Variants in MYRIP observed in about 807,000 individuals in gnomAD.
The protein encoded by MYRIP is rab effector MyRIP.
A neutral mutation model predicts 98.0 loss-of-function variants in MYRIP; 49 were observed. The ratio of observed to expected loss-of-function variants is 0.50; its 90% CI spans 0.40 to 0.63. The LOEUF (loss-of-function observed/expected upper bound fraction) is 0.63. Among genes scored for constraint, MYRIP ranks in the 30% least tolerant of loss-of-function variants. The pLI is 0.00. For synonymous variants in MYRIP, 404 were observed against 409.5 expected (o/e 0.99, Z 0.16); for missense variants, 1,004 against 1,058.2 (o/e 0.95, Z 0.71).
At chr3:39,941,118 T>C (rs1024527799) in intron 2 of MYRIP, among the ~76,000 whole-genome samples, 1 of 151,948 alleles carries the variant, frequency 6.6e-6, no homozygotes, top group African/African-American at 2.4e-5. Flanking sequence ...GGGGAGACAA[T>C]TGAAGGTAAA....
At chr3:40,200,380 T>C (rs1367195527) in intron 10 of MYRIP, among the ~76,000 whole-genome samples, 1 of 152,138 alleles carries the variant, frequency 6.6e-6, no homozygotes, top group Non-Finnish European at 1.5e-5. Context: ...ATAAGCTTGC[T>C]CTAGGTCTTC....
chr3:40,251,318 C>G (rs966383842), intron 15 of MYRIP, among the ~76,000 whole-genome samples: 1 of 152,202 alleles, frequency 6.6e-6, no homozygotes, highest in Non-Finnish European at 1.5e-5. Context: ...ATCACAGATT[C>G]ACAGTCCTTT....
intron 2 of MYRIP, among the ~76,000 whole-genome samples, chr3:39,916,900 G>C (rs1944177161): frequency 6.6e-6 from 1 of 151,932 alleles, no homozygotes; most frequent in Admixed American, 6.6e-5. Flanking sequence ...TATGACTTTA[G>C]ACATACAACA....
intron 4 of MYRIP, among the ~76,000 whole-genome samples, chr3:40,154,502 G>A (rs1395373945): frequency 2.6e-5 from 4 of 152,132 alleles, no homozygotes; most frequent in Admixed American, 6.5e-5. Flanking sequence ...CAAAGGTAAC[G>A]AGTGCTCACA....
chr3:39,857,983 G>T (rs1559498697), intron 1 of MYRIP, among the ~76,000 whole-genome samples: 1 of 152,004 alleles, frequency 6.6e-6, no homozygotes, highest in Non-Finnish European at 1.5e-5. Flanking sequence ...GAGAAACAAA[G>T]GAACTACAAA....
intron 3 of MYRIP, among the ~76,000 whole-genome samples, chr3:40,115,524 A>T (rs1287348034): frequency 6.6e-6 from 1 of 152,170 alleles, no homozygotes; most frequent in Non-Finnish European, 1.5e-5. Flanking sequence ...AACCACTCCC[A>T]TGATTCAGTT....
Position 40,190,341 on chromosome 3 carries a change from G to A in MYRIP, c.1543G>A (p.Glu515Lys). 2 of 1,613,950 alleles carry A rather than the reference G, an allele frequency of 1.2e-6. No individual in the cohort carries two copies. Among genetic ancestry groups the A allele is most frequent in the Non-Finnish European group, 1.7e-6 (2 of 1,179,948 alleles). Residue 515 changes from glutamate to lysine, a missense_variant, in exon 10 of 17, where the codon GAG (glutamate) becomes AAG (lysine). Glu to Lys is a moderately conservative substitution (Grantham distance 56). Coordinates refer to ENST00000302541, the MANE Select transcript of MYRIP (RefSeq NM_015460.4). The part of the protein sequence containing the change: ...RETSDSSEPE[E>K]APHTTDRRAR... ...GACCTCGGACAGCAGCGAGCCGGAG[G>A]AGGCCCCCCACACCACAGACCGGCG... is the stretch of plus-strand genomic sequence containing the variant.
chr3:39,874,824 C>T (rs12634298), intron 1 of MYRIP, among the ~76,000 whole-genome samples: 1 of 151,944 alleles, frequency 6.6e-6, no homozygotes, highest in Non-Finnish European at 1.5e-5. Context: ...TGTCTCTGCC[C>T]GGCTTTGGTA....
At chr3:40,182,130 C>G (rs1950896250) in intron 8 of MYRIP, 90 bp from the exon 9 acceptor site, 1 of 1,360,490 alleles carries the variant, frequency 7.4e-7, no homozygotes, top group Admixed American at 2.5e-5. Flanking sequence ...TTTCTCCATG[C>G]TGGACAATGT....
chr3:40,058,748 T>C (rs1413107578), intron 3 of MYRIP, among the ~76,000 whole-genome samples: 1 of 152,192 alleles, frequency 6.6e-6, no homozygotes, highest in Non-Finnish European at 1.5e-5. Flanking sequence ...CTAATGGTGG[T>C]TTCATACTTT....
chr3:39,958,450 T>C (rs998454057), intron 2 of MYRIP, among the ~76,000 whole-genome samples: 2 of 152,118 alleles, frequency 1.3e-5, no homozygotes, highest in Non-Finnish European at 2.9e-5. Flanking sequence ...ATTTAATAAA[T>C]GGTGCTGGGA....
chr3:39,931,164 C>T (rs1390882374), intron 2 of MYRIP, among the ~76,000 whole-genome samples: 1 of 151,956 alleles, frequency 6.6e-6, no homozygotes, highest in Non-Finnish European at 1.5e-5. Context: ...GTGATTTAAT[C>T]CACAAACATG....
intron 2 of MYRIP, among the ~76,000 whole-genome samples, chr3:40,014,602 A>G (rs1304091954): frequency 6.6e-6 from 1 of 152,116 alleles, no homozygotes; most frequent in Admixed American, 6.5e-5. Context: ...TCACATGTAC[A>G]ATGAGGACAC....
At chr3:39,895,156 C>T (rs1327294070) in intron 1 of MYRIP, among the ~76,000 whole-genome samples, 5 of 151,602 alleles carry the variant, frequency 3.3e-5, no homozygotes, top group Non-Finnish European at 7.4e-5. Context: ...AATTATCTTT[C>T]CTGGTTTTCC....
chr3:39,874,068 T>A (rs1281858453), intron 1 of MYRIP, among the ~76,000 whole-genome samples: 150 of 151,390 alleles, frequency 9.9e-4, no homozygotes, highest in Non-Finnish European at 1.5e-3. Context: ...CCTTGTAAGT[T>A]GGATTCCTAG....
chr3:40,094,632 T>G (rs1444877186), intron 3 of MYRIP, among the ~76,000 whole-genome samples: 1 of 152,172 alleles, frequency 6.6e-6, no homozygotes, highest in Non-Finnish European at 1.5e-5. Flanking sequence ...CATTGTAGAT[T>G]CTCAGTAGGT....
At chr3:39,961,723 T>C (rs921590809) in intron 2 of MYRIP, among the ~76,000 whole-genome samples, 2 of 152,148 alleles carry the variant, frequency 1.3e-5, no homozygotes, top group African/African-American at 4.8e-5. Context: ...CTTTTAGTCC[T>C]ATTGCATTAT....
chr3:40,136,877 C>T (rs1949788078), intron 3 of MYRIP, among the ~76,000 whole-genome samples: 1 of 152,072 alleles, frequency 6.6e-6, no homozygotes, highest in Admixed American at 6.6e-5. Flanking sequence ...GGGACACATT[C>T]AAAGCAGTGT....
At chr3:39,992,906 T>C (rs1307950388) in intron 2 of MYRIP, among the ~76,000 whole-genome samples, 1 of 152,206 alleles carries the variant, frequency 6.6e-6, no homozygotes, top group Non-Finnish European at 1.5e-5. Flanking sequence ...AAACTTTCAC[T>C]TTTTCATTGT....
Sources: allele counts gnomAD v4.1 joint callset (sites outside exome capture counted in the v4.1 genomes callset), GRCh38; gene constraint gnomAD v4.1.1; transcripts MANE v1.5; gene names NCBI Gene and HGNC (gene_info 2026-07-23, HGNC 2026-07-21).